Variants in KRIT1 observed in about 807,000 individuals in gnomAD.
The protein encoded by KRIT1 is KRIT1 ankyrin repeat containing, also known as krev interaction trapped protein 1.
In KRIT1, 45 loss-of-function variants were observed where a neutral mutation model predicts 95.8. That is an observed-to-expected ratio of 0.47 (90% CI 0.37 to 0.60). The LOEUF (loss-of-function observed/expected upper bound fraction) is 0.60. KRIT1 is among the 20% of genes least tolerant of loss of function. The pLI, the probability that KRIT1 is intolerant of heterozygous loss-of-function variation, is 0.00. For missense variants in KRIT1, 788 were observed against 877.5 expected (o/e 0.90, Z 1.29); for synonymous variants, 282 against 278.8 (o/e 1.01, Z -0.11).
Position 92,200,553 on chromosome 7 carries a change from A to T in KRIT1, c.*183T>A. Reference sequence around the variant, plus strand: ...ATTTTTGTAGAGACAGGGTTTCACCATGTTGGCCAGGCTGGTCTTGAACTC... The same window carrying T: ...ATTTTTGTAGAGACAGGGTTTCACCTTGTTGGCCAGGCTGGTCTTGAACTC... On this transcript the variant is annotated 3_prime_UTR_variant, in exon 19 of 19. Transcript: ENST00000394505. 1.7e-6 allele frequency: 1 copy of T among 596,936 alleles called. No homozygotes were observed. Among genetic ancestry groups the T allele is most frequent in the Non-Finnish European group, 3.0e-6 (1 of 328,758 alleles). The allele number at this position is 596,936 out of a possible 1,614,324, so 37.0% of individuals were successfully genotyped here.
chr7:92,200,567 G>T lies in KRIT1; in HGVS notation c.*169C>A. 1 of 634,060 alleles carries T rather than the reference G, an allele frequency of 1.6e-6. No homozygotes were observed. Among genetic ancestry groups the T allele is most frequent in the East Asian group, 2.9e-5 (1 of 34,012 alleles). 39.3% of individuals were successfully genotyped at this position (634,060 alleles called of 1,614,324 possible). On this transcript the variant is annotated 3_prime_UTR_variant, in exon 19 of 19. Coordinates refer to ENST00000394505, the MANE Select transcript of KRIT1 (RefSeq NM_194454.3). ...AGGGTTTCACCATGTTGGCCAGGCT[G>T]GTCTTGAACTCTGACTTCAGGTGAT...
intron 10 of KRIT1, among the ~76,000 whole-genome samples, chr7:92,231,875 C>T (rs1225994966): frequency 6.6e-6 from 1 of 152,122 alleles, no homozygotes; most frequent in Non-Finnish European, 1.5e-5. Flanking sequence ...GAAAATATTA[C>T]AGATTAATAA....
chr7:92,239,544 G>C (rs530568641), intron 5 of KRIT1, among the ~76,000 whole-genome samples: 1 of 152,238 alleles, frequency 6.6e-6, no homozygotes, highest in East Asian at 1.9e-4. Flanking sequence ...TCCAAAGAGA[G>C]TCTTCACATG....
At chr7:92,202,797 G>A (rs1790498989) in intron 17 of KRIT1, among the ~76,000 whole-genome samples, 1 of 152,154 alleles carries the variant, frequency 6.6e-6, no homozygotes, top group South Asian at 2.1e-4. Flanking sequence ...TATACATTAA[G>A]TATAAGGAAA....
intron 2 of KRIT1, among the ~76,000 whole-genome samples, chr7:92,244,583 A>G (rs1286035542): frequency 2.0e-5 from 3 of 152,230 alleles, no homozygotes; most frequent in African/African-American, 7.2e-5. Context: ...TGAAAGAAGG[A>G]AACAAAGGCT....
chr7:92,211,630 G>A (rs1474849845), intron 17 of KRIT1, among the ~76,000 whole-genome samples: 1 of 152,030 alleles, frequency 6.6e-6, no homozygotes, highest in African/African-American at 2.4e-5. Context: ...ATAATTTATT[G>A]TATATTTCAA....
chr7:92,240,756 A>G (rs1799438246), intron 5 of KRIT1: 1 of 534,838 alleles, frequency 1.9e-6, no homozygotes, highest in South Asian at 2.2e-5. Context: ...TACCTAGGGA[A>G]CTACACTTCA....
At chr7:92,239,345 T>A (rs540855501) in intron 5 of KRIT1, among the ~76,000 whole-genome samples, 1 of 152,336 alleles carries the variant, frequency 6.6e-6, no homozygotes, top group South Asian at 2.1e-4. Flanking sequence ...AAATTATGAC[T>A]TTTTTAGGTC....
rs2131527770 is a variant in KRIT1 at position 92,226,666 on chromosome 7, C to T, written c.1006G>A (p.Ala336Thr). Residue 336 changes from alanine to threonine, a missense_variant, in exon 11 of 19, where the codon GCC becomes ACC. Transcript: ENST00000394505. ...HYACWYGKVE[A>T]TRILLEKGKC... is the part of the protein sequence containing the mutation. ...CCTTTCTCTAACAATATGCGAGTGG[C>T]CTCAACTTTTCCATACCTGTATAAA... 6.2e-7 allele frequency: 1 copy of T among 1,613,122 alleles called. No individual in the cohort carries two copies. The highest frequency in any genetic ancestry group is 1.1e-5 in the South Asian group (1 of 91,028).
chr7:92,228,885 G>T (rs1796723654), intron 10 of KRIT1, among the ~76,000 whole-genome samples: 1 of 152,060 alleles, frequency 6.6e-6, no homozygotes, highest in Non-Finnish European at 1.5e-5. Flanking sequence ...ATGGTCTCCA[G>T]CTCCATCCAT....
At chr7:92,201,276 G>A in intron 18 of KRIT1, 31 bp downstream of exon 18, 2 of 1,009,020 alleles carry the variant, frequency 2.0e-6, no homozygotes, top group Non-Finnish European at 3.2e-6. Context: ...TAACACAATA[G>A]TTTATGAAGT....
At chr7:92,240,968 GT>G in intron 5 of KRIT1, 24 bp downstream of exon 5, 2 of 1,555,304 alleles carry the variant, frequency 1.3e-6, no homozygotes, top group African/African-American at 1.4e-5. Flanking sequence ...TAAACAATGT[GT>G]TTTTTAAAAA....
intron 6 of KRIT1, 90 bp from the exon 7 acceptor site, chr7:92,236,632 CTTG>C: frequency 1.1e-6 from 1 of 886,070 alleles, no homozygotes; most frequent in Non-Finnish European, 1.8e-6. Context: ...AAAATGAAAA[CTTG>C]TTAAGTATAA....
chr7:92,234,343 G>T, intron 10 of KRIT1, 106 bp downstream of exon 10: 1 of 903,376 alleles, frequency 1.1e-6, no homozygotes, highest in Non-Finnish European at 1.8e-6. Context: ...AGGCAAACAG[G>T]TAGAGAAAAA....
At chr7:92,239,146 A>G (rs1297021881) in intron 5 of KRIT1, among the ~76,000 whole-genome samples, 2 of 152,222 alleles carry the variant, frequency 1.3e-5, no homozygotes, top group Non-Finnish European at 2.9e-5. Context: ...ATATATTAGT[A>G]CATTTTATGT....
chr7:92,238,804 C>T (rs1351667456), intron 5 of KRIT1, among the ~76,000 whole-genome samples: 5 of 152,176 alleles, frequency 3.3e-5, no homozygotes. Flanking sequence ...AATTCCTCTA[C>T]CAATGGAAAT....
Position 92,201,384 on chromosome 7 carries a change from G to T in KRIT1, c.2065C>A (p.Gln689Lys). The change falls in exon 18 of 19, where the codon CAA (glutamine) becomes AAA (lysine). Residue 689 changes from glutamine (Q) to lysine (K), a missense_variant. Around this residue, in one of 3 missense-constraint regions of KRIT1, gnomAD observed 493 missense variants for 582.3 expected, o/e 0.85. Coordinates refer to ENST00000394505, the MANE Select transcript of KRIT1 (RefSeq NM_194454.3). ...ISLKYGCFMW[Q>K]LGDTDTCFQI... Reference sequence around the variant, plus strand: ...AAACAAGTATCAGTATCTCCCAATTGCCACATAAAACAACCATACTTAAGA... The same window carrying T: ...AAACAAGTATCAGTATCTCCCAATTTCCACATAAAACAACCATACTTAAGA... The T allele has an allele frequency of 6.3e-7, 1 of 1,598,938 alleles. No homozygotes were observed. The highest frequency in any genetic ancestry group is 8.6e-7 in the Non-Finnish European group (1 of 1,166,496).
At chr7:92,231,053 C>A (rs1234256804) in intron 10 of KRIT1, among the ~76,000 whole-genome samples, 1 of 152,086 alleles carries the variant, frequency 6.6e-6, no homozygotes, top group Non-Finnish European at 1.5e-5. Context: ...TAACAATGAT[C>A]TGAAGTCTGA....
At position 92,238,193 on chromosome 7, in the gene KRIT1, G is replaced by T. The variant is rs1585002437; in HGVS notation, c.263-434C>A. 3.9e-5 allele frequency among the ~76,000 whole-genome samples: 6 copies of T among 152,180 alleles called. 1 individual carries two copies. The highest frequency in any genetic ancestry group is 3.9e-4 in the Admixed American group (6 of 15,276). ...ATTTAACCTCCATCCTCAATTTCAGGTTTTATTAAAATCTGATTGGGCTAC... is the reference window on the plus strand; with the variant it reads ...ATTTAACCTCCATCCTCAATTTCAGTTTTTATTAAAATCTGATTGGGCTAC... On this transcript the variant is annotated intron_variant, in intron 5 of 18. Transcript: ENST00000394505.
Sources: allele counts gnomAD v4.1 joint callset (sites outside exome capture counted in the v4.1 genomes callset), GRCh38; gene constraint gnomAD v4.1.1; regional missense constraint gnomAD v4.1.1; transcripts MANE v1.5; gene names NCBI Gene and HGNC (gene_info 2026-07-23, HGNC 2026-07-21).